The following ACYP2 variants were observed in gnomAD, a reference collection of about 807,000 sequenced individuals.
The protein encoded by ACYP2 is acylphosphatase-2.
A neutral mutation model predicts 11.2 loss-of-function variants in ACYP2; 12 were observed. That is an observed-to-expected ratio of 1.08 (90% CI 0.69 to 1.74). The LOEUF (loss-of-function observed/expected upper bound fraction) is 1.74. Ranked by LOEUF, ACYP2 falls within the 40% of genes most tolerant of loss-of-function variation. The pLI, the probability that ACYP2 is intolerant of heterozygous loss-of-function variation, is 0.00. For synonymous variants in ACYP2, 43 were observed against 32.2 expected, an observed-to-expected ratio of 1.33 and a Z score of -1.13; for missense variants, 134 against 101.9, an observed-to-expected ratio of 1.31 and a Z score of -1.35.
At chr2:54,030,088 T>C (rs1381041467) in intron 2 of ACYP2, among the ~76,000 whole-genome samples, 2 of 152,150 alleles carry the variant, frequency 1.3e-5, no homozygotes, top group Non-Finnish European at 2.9e-5. Flanking sequence ...CCTAAGTCTA[T>C]TGGTAGCTAA....
chr2:54,223,928 A>G (rs1685898471), intron 6 of ACYP2, among the ~76,000 whole-genome samples: 1 of 152,158 alleles, frequency 6.6e-6, no homozygotes, highest in African/African-American at 2.4e-5. Context: ...TAAATAAAAC[A>G]TTTATTTGGG....
At chr2:54,143,624 G>C (rs1328003778) in intron 6 of ACYP2, among the ~76,000 whole-genome samples, 1 of 151,778 alleles carries the variant, frequency 6.6e-6, no homozygotes, top group African/African-American at 2.4e-5. Context: ...AGTAGAGACA[G>C]GGTTTCACCA....
At position 54,056,219 on chromosome 2, in the gene ACYP2, C is replaced by A. The variant is rs534126050; in HGVS notation, c.156-1020C>A. On this transcript the variant is annotated intron_variant, in intron 3 of 6. Coordinates refer to ENST00000607452, the MANE Select transcript of ACYP2 (RefSeq NM_001320586.2). ...GGAACTAATCAGGGTGTCACCCAAG[C>A]AGGACACCCTAAGTTTATCTGCTTA... is the stretch of plus-strand genomic sequence containing the variant. Among the ~76,000 whole-genome samples the A allele has an allele frequency of 3.9e-5, 6 of 152,320 alleles. No homozygotes were observed. In the South Asian group the frequency reaches 1.2e-3, roughly 32 times the overall value.
chr2:54,293,994 G>A (rs1424762314), intron 6 of ACYP2, among the ~76,000 whole-genome samples: 1 of 152,138 alleles, frequency 6.6e-6, no homozygotes, highest in Non-Finnish European at 1.5e-5. Context: ...AAATTGACAG[G>A]CAACTCAGTA....
At chr2:54,073,083 T>G (rs1047681854) in intron 4 of ACYP2, among the ~76,000 whole-genome samples, 5 of 152,188 alleles carry the variant, frequency 3.3e-5, no homozygotes, top group African/African-American at 1.2e-4. Flanking sequence ...AATAAACTCT[T>G]ATATTTACAG....
intron 6 of ACYP2, among the ~76,000 whole-genome samples, chr2:54,251,663 G>T (rs148506883): frequency 6.6e-6 from 1 of 152,164 alleles, no homozygotes; most frequent in Non-Finnish European, 1.5e-5. Context: ...CACTGACTGC[G>T]TGTGTTCAGA....
At chr2:54,197,860 G>A (rs1684557360) in intron 6 of ACYP2, among the ~76,000 whole-genome samples, 1 of 151,990 alleles carries the variant, frequency 6.6e-6, no homozygotes, top group African/African-American at 2.4e-5. Flanking sequence ...CTACACTGGA[G>A]GGTTTTAAGC....
chr2:54,047,105 C>G (rs866456589), intron 2 of ACYP2, among the ~76,000 whole-genome samples: 34 of 152,306 alleles, frequency 2.2e-4, no homozygotes, highest in African/African-American at 7.7e-4. Flanking sequence ...ACTAAGGCAC[C>G]AAGCAAGGCT....
At chr2:54,061,038 A>G (rs1676444442) in intron 4 of ACYP2, among the ~76,000 whole-genome samples, 1 of 152,056 alleles carries the variant, frequency 6.6e-6, no homozygotes, top group Non-Finnish European at 1.5e-5. Context: ...ATTTTTTCAT[A>G]GAGGCATGGT....
chr2:54,265,168 C>T (rs768569279), intron 6 of ACYP2, among the ~76,000 whole-genome samples: 13 of 152,092 alleles, frequency 8.5e-5, no homozygotes, highest in Non-Finnish European at 1.5e-4. Context: ...AAAGACATAG[C>T]TGAGACTGGG....
chr2:54,115,563 G>A lies in ACYP2; in HGVS notation c.278-19890G>A, dbSNP rs774698800. 126 of 1,526,502 alleles carry A rather than the reference G, an allele frequency of 8.3e-5. 1 individual carries two copies. The highest frequency in any genetic ancestry group is 1.1e-4 in the Non-Finnish European group (120 of 1,135,594). 94.6% of individuals were successfully genotyped at this position (1,526,502 alleles called of 1,614,324 possible). On this transcript the variant is annotated intron_variant, in intron 4 of 6. Transcript: ENST00000607452. ...TTGCCGCTTCCGACGCGTGACCCCG[G>A]CGCGCTAGCGTCCGGGACCGGTGAC...
At chr2:54,128,066 G>T (rs1282220708) in intron 4 of ACYP2, among the ~76,000 whole-genome samples, 3 of 152,148 alleles carry the variant, frequency 2.0e-5, no homozygotes, top group Admixed American at 2.0e-4. Flanking sequence ...CTTCCCTTTT[G>T]TCCAGTCATT....
intron 2 of ACYP2, among the ~76,000 whole-genome samples, chr2:53,979,644 T>TA (rs923947871): frequency 1.5e-4 from 21 of 142,414 alleles, no homozygotes; most frequent in East Asian, 8.8e-4. Flanking sequence ...AAAAAAAAAT[T>TA]AAAAAAAAAG....
At chr2:54,028,695 C>A (rs568328333) in intron 2 of ACYP2, among the ~76,000 whole-genome samples, 1 of 152,262 alleles carries the variant, frequency 6.6e-6, no homozygotes, top group South Asian at 2.1e-4. Flanking sequence ...GTTCTTCGGT[C>A]CCATTGAATT....
intron 6 of ACYP2, among the ~76,000 whole-genome samples, chr2:54,260,243 G>C (rs1424639010): frequency 6.6e-6 from 1 of 152,148 alleles, no homozygotes; most frequent in African/African-American, 2.4e-5. Flanking sequence ...ATTGTTCTCA[G>C]TGAAATAGAA....
chr2:54,124,335 T>C (rs566108737), intron 4 of ACYP2, among the ~76,000 whole-genome samples: 3 of 152,252 alleles, frequency 2.0e-5, no homozygotes, highest in South Asian at 4.1e-4. Flanking sequence ...GCTGGGATTA[T>C]AGGCATGTGC....
chr2:54,147,512 T>C (rs1443892357), intron 6 of ACYP2, among the ~76,000 whole-genome samples: 1 of 151,932 alleles, frequency 6.6e-6, no homozygotes, highest in African/African-American at 2.4e-5. Context: ...TTACTCCTTC[T>C]CCACTTGCTT....
intron 2 of ACYP2, among the ~76,000 whole-genome samples, chr2:53,979,972 G>A (rs376621018): frequency 2.6e-4 from 39 of 152,154 alleles, no homozygotes; most frequent in African/African-American, 7.2e-4. Context: ...GATTATAGGC[G>A]TGAGCCACCA....
At chr2:54,102,654 A>T (rs1293087206) in intron 4 of ACYP2, among the ~76,000 whole-genome samples, 1 of 84,038 alleles carries the variant, frequency 1.2e-5, no homozygotes, top group Non-Finnish European at 2.9e-5. Context: ...AAAAAAAAAA[A>T]AAAAAAAAAA....
Sources: gnomAD v4.1 joint callset for allele counts (sites outside exome capture counted in the v4.1 genomes callset) on GRCh38, gnomAD v4.1.1 for gene constraint, MANE v1.5 for transcripts, NCBI Gene and HGNC (gene_info 2026-07-23, HGNC 2026-07-21) for gene names.